SLC35F3: variants seen among roughly 807,000 people sequenced by gnomAD.
SLC35F3 encodes the protein solute carrier family 35 member F3.
Under a neutral mutation model 49.9 loss-of-function variants are expected in SLC35F3, and 25 were observed. The observed-to-expected ratio is 0.50, with a 90% CI of 0.37 to 0.70. The LOEUF (loss-of-function observed/expected upper bound fraction) is 0.70, where lower values mean the gene tolerates loss of function less well. Ranked by LOEUF, SLC35F3 falls within the 30% of genes least tolerant of loss-of-function variation. The probability of loss-of-function intolerance (pLI) is 0.00; values close to 1 mark genes in which losing one functional copy is unlikely to be tolerated. For synonymous variants in SLC35F3, 275 were observed against 265.4 expected (o/e 1.04, Z -0.35); for missense variants, 525 against 639.8 (o/e 0.82, Z 1.94).
intron 2 of SLC35F3, among the ~76,000 whole-genome samples, chr1:234,108,231 TATTTATATATATAAAAGATATATA>T (rs550523290): frequency 0.017 from 2,094 of 123,088 alleles, 97 homozygotes; most frequent in African/African-American, 0.057. Flanking sequence ...AAGATATATA[TATTTATATATATAAAAGATATATA>T]TATTTATATA....
At chr1:233,986,840 G>T (rs1221762584) in intron 2 of SLC35F3, among the ~76,000 whole-genome samples, 1 of 152,024 alleles carries the variant, frequency 6.6e-6, no homozygotes, top group Non-Finnish European at 1.5e-5. Context: ...GATTGATTAC[G>T]TCCCAGGCTT....
chr1:233,917,986 A>G (rs1479970428), intron 2 of SLC35F3, among the ~76,000 whole-genome samples: 1 of 151,720 alleles, frequency 6.6e-6, no homozygotes, highest in Non-Finnish European at 1.5e-5. Context: ...CAGTGGATAC[A>G]TGTAAGACTC....
At chr1:234,070,984 C>T (rs867914682) in intron 2 of SLC35F3, among the ~76,000 whole-genome samples, 9 of 152,202 alleles carry the variant, frequency 5.9e-5, no homozygotes, top group Non-Finnish European at 7.3e-5. Context: ...AGAGCAATCC[C>T]GTCTCACCTG....
At chr1:234,218,845 G>A (rs1377482690) in intron 2 of SLC35F3, among the ~76,000 whole-genome samples, 1 of 151,882 alleles carries the variant, frequency 6.6e-6, no homozygotes, top group Non-Finnish European at 1.5e-5. Context: ...GGTCAAGAGA[G>A]CAAGACCATC....
chr1:234,132,949 C>A (rs1665756710), intron 2 of SLC35F3, among the ~76,000 whole-genome samples: 1 of 152,172 alleles, frequency 6.6e-6, no homozygotes. Context: ...AGTGTTTAAT[C>A]ATTTAACACT....
intron 3 of SLC35F3, among the ~76,000 whole-genome samples, chr1:234,270,648 G>A (rs894640633): frequency 6.6e-6 from 1 of 152,196 alleles, no homozygotes; most frequent in Non-Finnish European, 1.5e-5. Context: ...CATTCTGGAG[G>A]TCCGTGCTGG....
intron 2 of SLC35F3, among the ~76,000 whole-genome samples, chr1:234,158,433 T>C (rs1666182572): frequency 7.0e-6 from 1 of 142,936 alleles, no homozygotes. Flanking sequence ...AGTTATTTTC[T>C]ATAATACTTT....
chr1:233,961,187 T>A (rs968376266), intron 2 of SLC35F3, among the ~76,000 whole-genome samples: 5 of 152,140 alleles, frequency 3.3e-5, no homozygotes, highest in Admixed American at 2.0e-4. Context: ...AATATAGATA[T>A]AACCTACGAG....
At chr1:233,931,048 T>A (rs933229647) in intron 2 of SLC35F3, among the ~76,000 whole-genome samples, 4 of 152,214 alleles carry the variant, frequency 2.6e-5, no homozygotes, top group Non-Finnish European at 2.9e-5. Context: ...AAGGATTCCC[T>A]ATTTAATAAA....
intron 2 of SLC35F3, among the ~76,000 whole-genome samples, chr1:233,945,931 TG>T (rs2102801779): frequency 6.6e-6 from 1 of 152,356 alleles, no homozygotes; most frequent in South Asian, 2.1e-4. Context: ...ATACATTCAA[TG>T]TTTTAAATAG....
At chr1:233,919,785 G>A (rs1426683955) in intron 2 of SLC35F3, among the ~76,000 whole-genome samples, 2 of 152,150 alleles carry the variant, frequency 1.3e-5, no homozygotes, top group African/African-American at 2.4e-5. Context: ...GAGGTCACAG[G>A]GCGGGGGTTG....
At chr1:234,097,793 A>G (rs1303267308) in intron 2 of SLC35F3, among the ~76,000 whole-genome samples, 1 of 152,228 alleles carries the variant, frequency 6.6e-6, no homozygotes, top group East Asian at 1.9e-4. Flanking sequence ...ATTTACAAAT[A>G]TAGGCCATGA....
intron 2 of SLC35F3, among the ~76,000 whole-genome samples, chr1:234,134,878 C>T (rs4540737): frequency 0.21 from 31,225 of 152,044 alleles, 4,325 homozygotes; most frequent in East Asian, 0.75. Flanking sequence ...TGTGCCACCA[C>T]GCCCGGATAA....
chr1:234,096,181 G>A (rs949739711), intron 2 of SLC35F3, among the ~76,000 whole-genome samples: 8 of 152,036 alleles, frequency 5.3e-5, no homozygotes, highest in African/African-American at 1.9e-4. Flanking sequence ...TCCTTTCCAC[G>A]ACTTGTAGTG....
chr1:234,108,765 A>T (rs1486961395), intron 2 of SLC35F3, among the ~76,000 whole-genome samples: 24 of 74,560 alleles, frequency 3.2e-4, no homozygotes, highest in African/African-American at 8.2e-4. Flanking sequence ...ATATATAAAT[A>T]TATATATCTT....
At chr1:234,092,480 A>G (rs1363490571) in intron 2 of SLC35F3, among the ~76,000 whole-genome samples, 1 of 152,116 alleles carries the variant, frequency 6.6e-6, no homozygotes, top group Non-Finnish European at 1.5e-5. Context: ...CAGAAATGGC[A>G]TTGGAACCAA....
At chr1:234,057,259 C>T (rs1196935148) in intron 2 of SLC35F3, among the ~76,000 whole-genome samples, 1 of 152,092 alleles carries the variant, frequency 6.6e-6, no homozygotes, top group Non-Finnish European at 1.5e-5. Context: ...GAAGTATTGC[C>T]ATTTAACAGT....
At position 234,152,253 on chromosome 1, in the gene SLC35F3, A is replaced by ATTATT. The variant is rs1491297627; in HGVS notation, c.284-79164_284-79163insTTATT. On this transcript the variant is annotated intron_variant, in intron 2 of 7. Coordinates refer to ENST00000366618, the MANE Select transcript of SLC35F3 (RefSeq NM_173508.4). The stretch of plus-strand genomic sequence containing the variant: ...TTATTATTATTATTATTATTATTAT[A>ATTATT]CTTTAAATTCTGGGATACATGTGCA... Among the ~76,000 whole-genome samples, 1,112 of 128,194 alleles carry ATTATT rather than the reference A, an allele frequency of 8.7e-3. 14 individuals carry two copies. The highest frequency in any genetic ancestry group is 0.034 in the African/African-American group (1,088 of 31,820). 84.1% of individuals were successfully genotyped at this position (128,194 alleles called of 152,430 possible).
At chr1:234,147,984 G>A (rs1336823756) in intron 2 of SLC35F3, among the ~76,000 whole-genome samples, 1 of 152,208 alleles carries the variant, frequency 6.6e-6, no homozygotes, top group Non-Finnish European at 1.5e-5. Context: ...AGTGGGAGGA[G>A]TCAGGTTCCC....
Sources: allele counts gnomAD v4.1 joint callset (sites outside exome capture counted in the v4.1 genomes callset), GRCh38; gene constraint gnomAD v4.1.1; transcripts MANE v1.5; gene names NCBI Gene and HGNC (gene_info 2026-07-23, HGNC 2026-07-21).